GAS7: variants seen among roughly 807,000 people sequenced by gnomAD.
GAS7 encodes growth arrest-specific protein 7.
A neutral mutation model predicts 71.1 loss-of-function variants in GAS7; 28 were observed. That is an observed-to-expected ratio of 0.39 (90% CI 0.29 to 0.54). GAS7 has a LOEUF of 0.54. Among genes scored for constraint, GAS7 ranks in the 20% least tolerant of loss-of-function variants. GAS7 has a pLI of 0.62. For missense variants in GAS7, 436 were observed against 627.8 expected, an observed-to-expected ratio of 0.69 and a Z score of 3.27; for synonymous variants, 258 against 245.8, an observed-to-expected ratio of 1.05 and a Z score of -0.46.
At chr17:10,113,403 AG>A (rs2073832365) in intron 1 of GAS7, among the ~76,000 whole-genome samples, 1 of 152,240 alleles carries the variant, frequency 6.6e-6, no homozygotes, top group South Asian at 2.1e-4. Context: ...CAGCAGCAAC[AG>A]GTAAAGGTAA....
intron 1 of GAS7, among the ~76,000 whole-genome samples, chr17:10,057,050 C>T: frequency 6.6e-6 from 1 of 152,188 alleles, no homozygotes; most frequent in Non-Finnish European, 1.5e-5. Flanking sequence ...CCAGCCTCGG[C>T]CTCCCGAGGT....
At chr17:10,139,728 A>G (rs977787343) in intron 1 of GAS7, among the ~76,000 whole-genome samples, 1 of 152,204 alleles carries the variant, frequency 6.6e-6, no homozygotes, top group Non-Finnish European at 1.5e-5. Flanking sequence ...CTTAGCGTAG[A>G]CCACAGGAAG....
At chr17:9,945,438 C>A (rs571806037) in intron 6 of GAS7, among the ~76,000 whole-genome samples, 1 of 152,076 alleles carries the variant, frequency 6.6e-6, no homozygotes, top group African/African-American at 2.4e-5. Flanking sequence ...CTTGCTTACC[C>A]CGCCCTCTGA....
chr17:9,987,088 C>T (rs923510740), intron 2 of GAS7, among the ~76,000 whole-genome samples: 8 of 152,200 alleles, frequency 5.3e-5, no homozygotes, highest in East Asian at 1.9e-4. Flanking sequence ...AAGACTGAAG[C>T]GGCAGCTCCA....
intron 2 of GAS7, among the ~76,000 whole-genome samples, chr17:9,990,699 A>C (rs538514037): frequency 6.6e-6 from 1 of 152,184 alleles, no homozygotes; most frequent in Admixed American, 6.5e-5. Context: ...GTGGCTGAAG[A>C]GGAATTGTGG....
chr17:10,026,105 G>A lies in GAS7; in HGVS notation c.184-6208C>T, dbSNP rs1261488049. On this transcript the variant is annotated intron_variant, in intron 1 of 13. Coordinates refer to ENST00000432992, the MANE Select transcript of GAS7 (RefSeq NM_201433.2). This position sits in a 1 kb window ranked among gnomAD's most constrained non-coding sequence, Gnocchi z 4.5. ...ACCCGGATGCCACCTCCACCTCCGG[G>A]ACTCTCTCCCCCTCCGGAGGTTTCT... 1.1e-6 allele frequency: 1 copy of A among 939,606 alleles called. No individual in the cohort carries two copies. 58.2% of individuals were successfully genotyped at this position (939,606 alleles called of 1,614,324 possible).
intron 9 of GAS7, among the ~76,000 whole-genome samples, chr17:9,929,681 G>T (rs902366130): frequency 6.6e-6 from 1 of 152,052 alleles, no homozygotes; most frequent in Admixed American, 6.6e-5. Flanking sequence ...GTTTCACCAT[G>T]TTAGCCAGGA....
Position 10,024,140 on chromosome 17 carries a change from T to A in GAS7, c.184-4243A>T, listed in dbSNP as rs2072377359. The stretch of plus-strand genomic sequence containing the variant: ...CTCTGTTTCAAAAATAAAGAAAAAA[T>A]AAAAAAATAAAAAAACTTTTTTCTG... On this transcript the variant is annotated intron_variant, in intron 1 of 13. Transcript: ENST00000432992. Among the ~76,000 whole-genome samples, 4 of 151,856 alleles carry A rather than the reference T, an allele frequency of 2.6e-5. No individual in the cohort carries two copies. The South Asian group carries it at 6.2e-4, about 24-fold the overall frequency.
chr17:9,975,156 A>G (rs2070136602), intron 3 of GAS7, among the ~76,000 whole-genome samples: 1 of 152,170 alleles, frequency 6.6e-6, no homozygotes, highest in African/African-American at 2.4e-5. Context: ...GGAGCTCGTG[A>G]CCAGCCTGCC....
At chr17:10,111,633 G>A (rs192225943) in intron 1 of GAS7, among the ~76,000 whole-genome samples, 5 of 151,950 alleles carry the variant, frequency 3.3e-5, no homozygotes, top group African/African-American at 4.8e-5. Flanking sequence ...ACAGTGAGCC[G>A]AGATCACGCC....
intron 2 of GAS7, among the ~76,000 whole-genome samples, chr17:9,987,940 C>T (rs1482885982): frequency 6.6e-6 from 1 of 152,234 alleles, no homozygotes; most frequent in African/African-American, 2.4e-5. Context: ...CTCTGGCCCC[C>T]AGTGGCCTCC....
intron 1 of GAS7, among the ~76,000 whole-genome samples, chr17:10,189,769 T>C (rs2074483536): frequency 6.6e-6 from 1 of 151,326 alleles, no homozygotes; most frequent in Non-Finnish European, 1.5e-5. Flanking sequence ...CAAAACCCTA[T>C]CTCTACTAAA....
At chr17:10,185,189 T>A (rs2074443251) in intron 1 of GAS7, among the ~76,000 whole-genome samples, 1 of 152,152 alleles carries the variant, frequency 6.6e-6, no homozygotes. Flanking sequence ...CCTCCCAAAG[T>A]GCTGAGATTA....
At chr17:10,001,416 A>G (rs1410022293) in intron 2 of GAS7, among the ~76,000 whole-genome samples, 2 of 152,214 alleles carry the variant, frequency 1.3e-5, no homozygotes, top group African/African-American at 4.8e-5. Context: ...CTTGGAAAGA[A>G]GCACTGTGAA....
intron 2 of GAS7, among the ~76,000 whole-genome samples, chr17:10,008,447 A>T (rs1271856922): frequency 6.6e-6 from 1 of 152,242 alleles, no homozygotes; most frequent in African/African-American, 2.4e-5. Context: ...AATAGAGCAA[A>T]CAACAAAATC....
intron 3 of GAS7, among the ~76,000 whole-genome samples, chr17:9,975,800 A>G (rs945352001): frequency 6.6e-6 from 1 of 152,206 alleles, no homozygotes; most frequent in African/African-American, 2.4e-5. Flanking sequence ...AGGCAACAGC[A>G]TGCAGCATCC....
At chr17:9,954,731 T>C (rs3786106) in intron 5 of GAS7, among the ~76,000 whole-genome samples, 34,164 of 151,972 alleles carry the variant, frequency 0.22, 8,782 homozygotes, top group African/African-American at 0.63. Flanking sequence ...AGGTGATACA[T>C]ATCTACAATG....
At chr17:10,043,522 T>G (rs762884882) in intron 1 of GAS7, among the ~76,000 whole-genome samples, 24 of 152,246 alleles carry the variant, frequency 1.6e-4, no homozygotes, top group Non-Finnish European at 2.2e-4. Context: ...ACTAGAAGCC[T>G]TAGCGATAAC....
intron 2 of GAS7, among the ~76,000 whole-genome samples, chr17:10,001,305 A>G (rs533329613): frequency 4.9e-4 from 75 of 152,356 alleles, no homozygotes; most frequent in Non-Finnish European, 8.5e-4. Context: ...TTTCAGAGAA[A>G]TTATTTTTAT....
Sources: allele counts gnomAD v4.1 joint callset (sites outside exome capture counted in the v4.1 genomes callset), GRCh38; gene constraint gnomAD v4.1.1; non-coding constraint Gnocchi (gnomAD v3.1); transcripts MANE v1.5; gene names NCBI Gene and HGNC (gene_info 2026-07-23, HGNC 2026-07-21).